The following CEP112 variants were observed in gnomAD, a reference collection of about 807,000 sequenced individuals.
The protein encoded by CEP112 is centrosomal protein of 112 kDa.
A neutral mutation model predicts 153.0 loss-of-function variants in CEP112; 127 were observed. The observed-to-expected ratio is 0.83, with a 90% CI of 0.72 to 0.96. CEP112 has a LOEUF of 0.96. Among genes scored for constraint, CEP112 ranks in the 40% least tolerant of loss-of-function variants. CEP112 has a pLI of 0.00. For synonymous variants in CEP112, 358 were observed against 374.4 expected (o/e 0.96, Z 0.51); for missense variants, 1,089 against 1,101.2 (o/e 0.99, Z 0.16).
chr17:66,043,938 T>C (rs531726364), intron 12 of CEP112, among the ~76,000 whole-genome samples: 1 of 152,318 alleles, frequency 6.6e-6, no homozygotes, highest in Non-Finnish European at 1.5e-5. Flanking sequence ...CCTTGAACTC[T>C]ACCTTGTTTA....
At chr17:65,715,840 G>C (rs557104724) in intron 23 of CEP112, among the ~76,000 whole-genome samples, 1 of 152,266 alleles carries the variant, frequency 6.6e-6, no homozygotes, top group East Asian at 1.9e-4. Flanking sequence ...GCCGATCAGG[G>C]GAGTTAGGGG....
At chr17:66,011,600 C>T (rs1462407314) in intron 16 of CEP112, among the ~76,000 whole-genome samples, 1 of 151,814 alleles carries the variant, frequency 6.6e-6, no homozygotes, top group Non-Finnish European at 1.5e-5. Flanking sequence ...TATAATTTTG[C>T]TTTTTTTATT....
intron 24 of CEP112, among the ~76,000 whole-genome samples, chr17:65,656,468 C>T (rs556564944): frequency 2.1e-4 from 32 of 152,310 alleles, no homozygotes; most frequent in Non-Finnish European, 3.5e-4. Flanking sequence ...TACATTTATG[C>T]GTGTTGCATC....
intron 4 of CEP112, among the ~76,000 whole-genome samples, chr17:66,149,903 T>TTTTC (rs2071117660): frequency 1.8e-5 from 2 of 113,216 alleles, no homozygotes; most frequent in Non-Finnish European, 3.6e-5. Context: ...TTTTTTTTTT[T>TTTTC]TTTTTTGAGA....
intron 6 of CEP112, among the ~76,000 whole-genome samples, chr17:66,121,990 G>A (rs554030108): frequency 6.6e-6 from 1 of 152,144 alleles, no homozygotes; most frequent in African/African-American, 2.4e-5. Context: ...CACTTCCCAG[G>A]TTCAAGTGAT....
chr17:65,773,673 G>A (rs758568423), intron 21 of CEP112, among the ~76,000 whole-genome samples: 4 of 151,886 alleles, frequency 2.6e-5, no homozygotes, highest in Non-Finnish European at 5.9e-5. Context: ...GTGATTTTTC[G>A]GTGCAATGTT....
chr17:66,067,960 A>G (rs2067183612), intron 9 of CEP112, among the ~76,000 whole-genome samples: 1 of 152,174 alleles, frequency 6.6e-6, no homozygotes, highest in African/African-American at 2.4e-5. Context: ...TCCCAGATAC[A>G]TGAGGAGATG....
chr17:66,120,714 T>G (rs1039080908), intron 6 of CEP112, among the ~76,000 whole-genome samples: 24 of 152,178 alleles, frequency 1.6e-4, no homozygotes, highest in African/African-American at 5.1e-4. Flanking sequence ...ATATCTTCTC[T>G]TTCATTCTTG....
chr17:66,076,557 C>G (rs1033763140), intron 8 of CEP112, among the ~76,000 whole-genome samples: 1 of 152,132 alleles, frequency 6.6e-6, no homozygotes, highest in Non-Finnish European at 1.5e-5. Context: ...GTAAGAGCTG[C>G]CCAAGGAGAG....
intron 18 of CEP112, among the ~76,000 whole-genome samples, chr17:65,935,129 A>ATAGTTGGAGTATATGGGGCTCC (rs2061262714): frequency 6.6e-6 from 1 of 152,244 alleles, no homozygotes; most frequent in Non-Finnish European, 1.5e-5. Context: ...ACACAGAGCC[A>ATAGTTGGAGTATATGGGGCTCC]AACCATATCA....
intron 8 of CEP112, among the ~76,000 whole-genome samples, chr17:66,077,827 T>C (rs1406176240): frequency 6.6e-6 from 1 of 152,216 alleles, no homozygotes; most frequent in Non-Finnish European, 1.5e-5. Flanking sequence ...TCTCCCACTC[T>C]GTGGGTTGTC....
intron 17 of CEP112, among the ~76,000 whole-genome samples, chr17:65,994,429 G>C (rs1484842541): frequency 6.6e-6 from 1 of 152,172 alleles, no homozygotes; most frequent in Non-Finnish European, 1.5e-5. Context: ...CTGAGCTCAA[G>C]CAATTCTCCT....
intron 18 of CEP112, among the ~76,000 whole-genome samples, chr17:65,946,800 A>G (rs1018148800): frequency 2.0e-5 from 3 of 152,126 alleles, no homozygotes; most frequent in African/African-American, 7.2e-5. Context: ...TTTTTATAAC[A>G]TGGAGACTTC....
At chr17:66,166,828 C>T (rs1187076047) in intron 4 of CEP112, among the ~76,000 whole-genome samples, 4 of 150,086 alleles carry the variant, frequency 2.7e-5, no homozygotes, top group African/African-American at 9.8e-5. Flanking sequence ...CGCTTGAACC[C>T]GGGAGGCAGA....
At chr17:66,066,757 T>G (rs763533945) in intron 10 of CEP112, 21 bp downstream of exon 10, 1 of 1,395,494 alleles carries the variant, frequency 7.2e-7, no homozygotes, top group Admixed American at 2.7e-5. Context: ...TTAAAAGATG[T>G]ATGTAACAAC....
At chr17:66,166,587 T>C (rs2071968469) in intron 4 of CEP112, among the ~76,000 whole-genome samples, 1 of 152,104 alleles carries the variant, frequency 6.6e-6, no homozygotes, top group African/African-American at 2.4e-5. Flanking sequence ...ATATAGATGA[T>C]GTGAACTAAA....
intron 12 of CEP112, among the ~76,000 whole-genome samples, chr17:66,047,172 A>G (rs1319856240): frequency 6.6e-6 from 1 of 152,054 alleles, no homozygotes; most frequent in East Asian, 1.9e-4. Context: ...GCTGGAGTGC[A>G]GTGGCATGAT....
chr17:65,783,655 G>C (rs1004479426), intron 21 of CEP112, among the ~76,000 whole-genome samples: 1 of 152,098 alleles, frequency 6.6e-6, no homozygotes, highest in Admixed American at 6.5e-5. Context: ...GAATTACTTC[G>C]CCACTTCATT....
chr17:65,812,579 A>G (rs2056039963), intron 21 of CEP112, among the ~76,000 whole-genome samples: 1 of 152,214 alleles, frequency 6.6e-6, no homozygotes, highest in Non-Finnish European at 1.5e-5. Flanking sequence ...TTTATAATTG[A>G]AGGCTTTTAT....
Sources: gnomAD v4.1 joint callset for allele counts (sites outside exome capture counted in the v4.1 genomes callset) on GRCh38, gnomAD v4.1.1 for gene constraint, MANE v1.5 for transcripts, NCBI Gene and HGNC (gene_info 2026-07-23, HGNC 2026-07-21) for gene names.